Variants in GABPB1 observed in about 807,000 individuals in gnomAD.
The protein encoded by GABPB1 is GA-binding protein subunit beta-1.
In GABPB1, 15 loss-of-function variants were observed where a neutral mutation model predicts 45.9. The observed-to-expected ratio is 0.33, with a 90% CI of 0.22 to 0.50. GABPB1 has a LOEUF of 0.50. Ranked by LOEUF, GABPB1 falls within the 20% of genes least tolerant of loss-of-function variation. The pLI is 0.98. For missense variants in GABPB1, 252 were observed against 457.5 expected, an observed-to-expected ratio of 0.55 and a Z score of 4.10; for synonymous variants, 143 against 154.4, an observed-to-expected ratio of 0.93 and a Z score of 0.55.
intron 7 of GABPB1, among the ~76,000 whole-genome samples, chr15:50,286,936 C>T (rs1425992745): frequency 6.6e-6 from 1 of 152,094 alleles, no homozygotes. Context: ...TATAATTGTT[C>T]CACGGCCTTT....
chr15:50,286,363 G>C (rs551025389), intron 7 of GABPB1, among the ~76,000 whole-genome samples, 180 bp from the exon 8 acceptor site: 1 of 151,290 alleles, frequency 6.6e-6, no homozygotes, highest in African/African-American at 2.4e-5. Flanking sequence ...TTACCTTCTT[G>C]CTTTTTTACT....
At chr15:50,291,872 C>G (rs1250275440) in intron 6 of GABPB1, among the ~76,000 whole-genome samples, 1 of 146,462 alleles carries the variant, frequency 6.8e-6, no homozygotes, top group Non-Finnish European at 1.5e-5. Flanking sequence ...GAGCAGTGAT[C>G]ACATCACTGC....
chr15:50,328,497 A>C (rs532463022), intron 1 of GABPB1, among the ~76,000 whole-genome samples: 1 of 152,178 alleles, frequency 6.6e-6, no homozygotes, highest in African/African-American at 2.4e-5. Flanking sequence ...AAGTTAATTA[A>C]AATTCGGATT....
chr15:50,350,519 C>G (rs576557909), intron 1 of GABPB1: 1 of 151,630 alleles, frequency 6.6e-6, no homozygotes, highest in East Asian at 1.9e-4. Context: ...AAATAGCCTT[C>G]TCACTTAATA....
chr15:50,306,931 T>C (rs933275117), intron 2 of GABPB1, among the ~76,000 whole-genome samples: 1 of 152,106 alleles, frequency 6.6e-6, no homozygotes, highest in African/African-American at 2.4e-5. Context: ...TTCCATTGAA[T>C]GAGTAAACCA....
At position 50,278,535 on chromosome 15, in the gene GABPB1, T is replaced by C. The variant is rs2045883689; in HGVS notation, c.*97A>G. ...AATTATCCATCTGTAGTCTCTTCTA[T>C]CATTCTGTATTCCCATGGCTGTACC... On this transcript the variant is annotated 3_prime_UTR_variant, in exon 9 of 9. Coordinates refer to ENST00000380877, the MANE Select transcript of GABPB1 (RefSeq NM_016654.5). 3.3e-6 allele frequency: 3 copies of C among 909,592 alleles called. No individual in the cohort carries two copies. The highest frequency in any genetic ancestry group is 5.3e-5 in the East Asian group (2 of 37,964). The allele number at this position is 909,592 out of a possible 1,614,324, so 56.3% of individuals were successfully genotyped here. A position where few individuals can be genotyped will look rare whatever the true frequency, so the allele number is the denominator to read the frequency against.
At chr15:50,318,730 A>C (rs1248597177) in intron 1 of GABPB1, among the ~76,000 whole-genome samples, 1 of 152,194 alleles carries the variant, frequency 6.6e-6, no homozygotes, top group African/African-American at 2.4e-5. Flanking sequence ...TAAGTCTCCT[A>C]AGAAGAGAAT....
intron 6 of GABPB1, among the ~76,000 whole-genome samples, chr15:50,297,791 C>T (rs946879620): frequency 2.0e-5 from 3 of 152,150 alleles, no homozygotes; most frequent in Admixed American, 6.5e-5. Context: ...GCCAAGATCA[C>T]GTCACTGCAC....
At chr15:50,292,881 T>C (rs1595746155) in intron 6 of GABPB1, among the ~76,000 whole-genome samples, 1 of 150,480 alleles carries the variant, frequency 6.6e-6, no homozygotes, top group African/African-American at 2.5e-5. Context: ...CATGCACACA[T>C]GTGTCAGAGA....
At chr15:50,353,317 T>C (rs562772353) in intron 1 of GABPB1, 1 of 152,278 alleles carries the variant, frequency 6.6e-6, no homozygotes, top group East Asian at 1.9e-4. Flanking sequence ...CTTGTTAAAA[T>C]GTGTCTTGCA....
At chr15:50,345,022 T>C (rs879871338) in intron 1 of GABPB1, among the ~76,000 whole-genome samples, 4 of 152,218 alleles carry the variant, frequency 2.6e-5, no homozygotes, top group African/African-American at 9.6e-5. Flanking sequence ...TACTGGAGCA[T>C]CAAACATGGA....
intron 1 of GABPB1, chr15:50,351,957 G>A (rs1390034198): frequency 6.6e-6 from 1 of 152,188 alleles, no homozygotes; most frequent in Non-Finnish European, 1.5e-5. Context: ...TAGTTGTTGG[G>A]GAGGAGAGGG....
chr15:50,285,031 T>C lies in GABPB1; in HGVS notation c.999+1037A>G, dbSNP rs189034467. ...TGTGGTGAAAGATGTACCAGTCTTA[T>C]ATTTACATGAATTTAGGAAGGGTAT... On this transcript the variant is annotated intron_variant, in intron 8 of 8. Transcript: ENST00000380877. 4.6e-5 allele frequency among the ~76,000 whole-genome samples: 7 copies of C among 152,318 alleles called. No homozygotes were observed. The East Asian group carries it at 1.3e-3, about 29-fold the overall frequency.
chr15:50,326,815 A>ATTT (rs1567530132), intron 1 of GABPB1, among the ~76,000 whole-genome samples: 10 of 151,398 alleles, frequency 6.6e-5, no homozygotes, highest in African/African-American at 2.4e-4. Flanking sequence ...GCCTAGGCAA[A>ATTT]AGAGCAAGAC....
At chr15:50,354,573 C>T (rs1442198093) in intron 1 of GABPB1, 13 of 449,234 alleles carry the variant, frequency 2.9e-5, no homozygotes, top group South Asian at 1.9e-4. Flanking sequence ...CTTCCTCTTT[C>T]TCCCGCCCAC....
At chr15:50,289,695 C>G in intron 6 of GABPB1, 27 bp from the exon 7 acceptor site, 1 of 1,552,298 alleles carries the variant, frequency 6.4e-7, no homozygotes, top group South Asian at 1.2e-5. Flanking sequence ...GAAAACTCAG[C>G]AAACATATGT....
At chr15:50,299,183 AAATG>A (rs1367341307) in intron 6 of GABPB1, among the ~76,000 whole-genome samples, 7 of 152,214 alleles carry the variant, frequency 4.6e-5, no homozygotes, top group African/African-American at 1.7e-4. Context: ...CTAATTTAAA[AAATG>A]AATGACAAAT....
rs2045828305 is a variant in GABPB1 at position 50,275,474 on chromosome 15, T to A, written c.*3158A>T. ...TATGTCCTGATAAACCCATCCTAAG[T>A]CAAAAATATCATAAATGTAAAATGC... On this transcript the variant is annotated 3_prime_UTR_variant, in exon 9 of 9. Coordinates refer to ENST00000380877, the MANE Select transcript of GABPB1 (RefSeq NM_016654.5). 6.6e-6 allele frequency: 1 copy of A among 152,272 alleles called. No homozygotes were observed. The highest frequency in any genetic ancestry group is 1.9e-4 in the East Asian group (1 of 5,178). 9.4% of individuals were successfully genotyped at this position (152,272 alleles called of 1,614,324 possible). A position where few individuals can be genotyped will look rare whatever the true frequency, so the allele number is the denominator to read the frequency against.
At position 50,340,887 on chromosome 15, in the gene GABPB1, CATATTACAT is replaced by C. The variant is rs2048337681; in HGVS notation, c.-1+14089_-1+14097del. ...TGGTTTATTACCATATGTAATATTA[CATATTACAT>C]ATGGTTTATTACCATATGTAATATT... On this transcript the variant is annotated intron_variant, in intron 1 of 8. Coordinates refer to ENST00000380877, the MANE Select transcript of GABPB1 (RefSeq NM_016654.5). Among the ~76,000 whole-genome samples the C allele has an allele frequency of 1.2e-4, 2 of 17,140 alleles. 1 individual carries two copies. Among genetic ancestry groups the C allele is most frequent in the Admixed American group, 1.6e-3 (2 of 1,260 alleles). 11.2% of individuals were successfully genotyped at this position (17,140 alleles called of 152,430 possible). A position where few individuals can be genotyped will look rare whatever the true frequency, so the allele number is the denominator to read the frequency against.
Sources: gnomAD v4.1 joint callset for allele counts (sites outside exome capture counted in the v4.1 genomes callset) on GRCh38, gnomAD v4.1.1 for gene constraint, MANE v1.5 for transcripts, NCBI Gene and HGNC (gene_info 2026-07-23, HGNC 2026-07-21) for gene names.